The following IFNAR1 variants were observed in gnomAD, a reference collection of about 807,000 sequenced individuals.
IFNAR1 encodes the protein interferon alpha/beta receptor 1.
A neutral mutation model predicts 62.1 loss-of-function variants in IFNAR1; 47 were observed. That is an observed-to-expected ratio of 0.76 (90% CI 0.60 to 0.97). The LOEUF (loss-of-function observed/expected upper bound fraction) is 0.97, where lower values mean the gene tolerates loss of function less well. Ranked by LOEUF, IFNAR1 falls within the 50% of genes least tolerant of loss-of-function variation. The probability of loss-of-function intolerance (pLI) is 0.00; values close to 1 mark genes in which losing one functional copy is unlikely to be tolerated. For missense variants in IFNAR1, 638 were observed against 654.5 expected (o/e 0.97, Z 0.27); for synonymous variants, 219 against 226.9 (o/e 0.97, Z 0.31).
At chr21:33,332,484 T>C (rs2083190473) in intron 1 of IFNAR1, among the ~76,000 whole-genome samples, 1 of 152,086 alleles carries the variant, frequency 6.6e-6, no homozygotes, top group African/African-American at 2.4e-5. Context: ...CAAGGAAATA[T>C]GACACCACCA....
chr21:33,343,185 A>G, intron 3 of IFNAR1, 83 bp from the exon 4 acceptor site: 1 of 1,171,012 alleles, frequency 8.5e-7, no homozygotes, highest in South Asian at 1.4e-5. Flanking sequence ...GGCACATATT[A>G]AGTGCTCAGA....
At chr21:33,340,258 A>T (rs1046690303) in intron 2 of IFNAR1, among the ~76,000 whole-genome samples, 14 of 152,052 alleles carry the variant, frequency 9.2e-5, no homozygotes, top group African/African-American at 3.4e-4. Flanking sequence ...AAACCTTGAA[A>T]CCATACTGAT....
At chr21:33,329,073 TTGGTC>T (rs2083153649) in intron 1 of IFNAR1, among the ~76,000 whole-genome samples, 2 of 152,180 alleles carry the variant, frequency 1.3e-5, no homozygotes, top group South Asian at 4.1e-4. Context: ...CAGTTATTTG[TTGGTC>T]TTCCAAATGC....
intron 1 of IFNAR1, among the ~76,000 whole-genome samples, chr21:33,327,980 A>C (rs191256853): frequency 6.6e-6 from 1 of 152,288 alleles, no homozygotes; most frequent in East Asian, 1.9e-4. Context: ...TGGAGACCAA[A>C]ATTTTATCAT....
rs1341271652 is a variant in IFNAR1, at chr21:33,349,184, T to G, written c.882T>G (p.Pro294=). ...ENVKTTQCVF[P]QNVFQKGIYL... is the part of the protein sequence containing the mutation. ...TCAAAACTACCCAGTGTGTCTTTCC[T>G]CAAAACGTTTTCCAAAAAGGAATTT... The change falls in exon 7 of 11, where the codon CCT becomes CCG. Residue 294 remains proline, a synonymous_variant. Transcript: ENST00000270139. 6.2e-7 allele frequency: 1 copy of G among 1,613,264 alleles called. No individual in the cohort carries two copies. Among genetic ancestry groups the G allele is most frequent in the South Asian group, 1.1e-5 (1 of 90,992 alleles).
intron 1 of IFNAR1, among the ~76,000 whole-genome samples, chr21:33,331,522 G>A (rs1396747769): frequency 1.3e-5 from 2 of 152,140 alleles, no homozygotes; most frequent in East Asian, 3.8e-4. Flanking sequence ...CTTCCCTGGA[G>A]CTGGACTAGT....
At chr21:33,342,812 G>A (rs918864574) in intron 3 of IFNAR1, among the ~76,000 whole-genome samples, 4 of 151,796 alleles carry the variant, frequency 2.6e-5, no homozygotes, top group East Asian at 1.9e-4. Flanking sequence ...AGCCGAGATC[G>A]TGCCACTGCA....
rs184248588 is a variant in IFNAR1 at position 33,343,407 on chromosome 21, C to G, written c.516C>G (p.Asn172Lys). The G allele has an allele frequency of 3.3e-4, 527 of 1,612,318 alleles. 5 individuals carry two copies. Among genetic ancestry groups the G allele is most frequent in the Admixed American group, 1.7e-4 (10 of 59,954 alleles). ...SFTYSLVIWK[N>K]SSGVEERIEN... ...CATATAGCTTAGTTATCTGGAAAAA[C>G]TCTTCAGGTGTAGAAGTAAGCATTA... is the stretch of plus-strand genomic sequence containing the variant. Residue 172 changes from asparagine (N) to lysine (K), a missense_variant, in exon 4 of 11, where the codon AAC (asparagine) becomes AAG (lysine). Coordinates refer to ENST00000270139, the MANE Select transcript of IFNAR1 (RefSeq NM_000629.3).
chr21:33,337,861 T>C (rs1193083319), intron 2 of IFNAR1, among the ~76,000 whole-genome samples: 1 of 152,152 alleles, frequency 6.6e-6, no homozygotes, highest in Non-Finnish European at 1.5e-5. Flanking sequence ...TCTCTAGAGA[T>C]TTTCATTAAA....
chr21:33,343,386 T>C lies in IFNAR1; in HGVS notation c.495T>C (p.Tyr165=), dbSNP rs1601859963. ...CTTTGGATGGTTTAAGCTTTACATATAGCTTAGTTATCTGGAAAAACTCTT... is the reference window on the plus strand; with the variant it reads ...CTTTGGATGGTTTAAGCTTTACATACAGCTTAGTTATCTGGAAAAACTCTT... The part of the protein sequence containing the change: ...MWALDGLSFT[Y]SLVIWKNSSG... The change falls in exon 4 of 11, where the codon TAT becomes TAC. Residue 165 remains tyrosine (Y), a synonymous_variant. Transcript: ENST00000270139. 2 of 1,611,684 alleles carry C rather than the reference T, an allele frequency of 1.2e-6. No homozygotes were observed. Among genetic ancestry groups the C allele is most frequent in the Non-Finnish European group, 1.7e-6 (2 of 1,177,872 alleles).
chr21:33,336,792 C>G (rs906008028), intron 2 of IFNAR1, among the ~76,000 whole-genome samples: 15 of 141,178 alleles, frequency 1.1e-4, no homozygotes, highest in South Asian at 6.8e-4. Flanking sequence ...GCTGTGTTAA[C>G]CAGGCTGGAG....
upstream of IFNAR1, chr21:33,324,747 G>T (rs1403994758): frequency 8.9e-6 from 4 of 450,022 alleles, no homozygotes; most frequent in African/African-American, 7.9e-5. Context: ...GAGTGAGGAA[G>T]AAGAGAATGC....
At chr21:33,326,981 C>T (rs2083132950) in intron 1 of IFNAR1, among the ~76,000 whole-genome samples, 2 of 152,044 alleles carry the variant, frequency 1.3e-5, no homozygotes, top group Admixed American at 1.3e-4. Context: ...CATCCCAGTG[C>T]AGGAGTCCAG....
intron 5 of IFNAR1, among the ~76,000 whole-genome samples, chr21:33,343,972 A>T (rs917450724): frequency 6.6e-6 from 1 of 152,212 alleles, no homozygotes; most frequent in Non-Finnish European, 1.5e-5. Flanking sequence ...CCTCGCCAAC[A>T]TGGGAAAACC....
chr21:33,343,773 A>G (rs1243733787), intron 5 of IFNAR1, 97 bp downstream of exon 5: 2 of 727,630 alleles, frequency 2.7e-6, no homozygotes, highest in African/African-American at 1.8e-5. Flanking sequence ...TGATAGGTCA[A>G]TATATGTTAA....
At chr21:33,354,410 A>G (rs2083429041) in intron 10 of IFNAR1, among the ~76,000 whole-genome samples, 1 of 152,190 alleles carries the variant, frequency 6.6e-6, no homozygotes, top group African/African-American at 2.4e-5. Flanking sequence ...ACGCTGTTTC[A>G]ATTTGTGATG....
At chr21:33,324,787 G>A (rs929458328), upstream of IFNAR1, 7 of 503,524 alleles carry the variant, frequency 1.4e-5, no homozygotes, top group South Asian at 2.8e-5. Context: ...AGGCGCGCGC[G>A]CACAGGGGTG....
Position 33,358,672 on chromosome 21 carries a change from A to C in IFNAR1, c.*3123A>C, listed in dbSNP as rs1375797869. The C allele has an allele frequency of 3.3e-5, 5 of 152,126 alleles. No individual in the cohort carries two copies. The highest frequency in any genetic ancestry group is 7.4e-5 in the Non-Finnish European group (5 of 68,002). The allele number at this position is 152,126 out of a possible 1,614,324, so 9.4% of individuals were successfully genotyped here. A position where few individuals can be genotyped will look rare whatever the true frequency, so the allele number is the denominator to read the frequency against. Reference sequence around the variant, plus strand: ...TGTGAACTTTTAAGAGTCTGACTAGAAATTTGCAACTTATAAAAAAGTTAC... The same window carrying C: ...TGTGAACTTTTAAGAGTCTGACTAGCAATTTGCAACTTATAAAAAAGTTAC... On this transcript the variant is annotated 3_prime_UTR_variant, in exon 11 of 11. Transcript: ENST00000270139.
In IFNAR1 at chr21:33,356,341, C is replaced by T. The variant is rs2083448377; in HGVS notation, c.*792C>T. On this transcript the variant is annotated 3_prime_UTR_variant, in exon 11 of 11. Transcript: ENST00000270139. The stretch of plus-strand genomic sequence containing the variant: ...TTTCTTTTAACACTGAGGGTAGGCC[C>T]TTAGGAAATTTATTTAGGAAAGTCT... 6.6e-6 allele frequency: 1 copy of T among 152,178 alleles called. No individual in the cohort carries two copies. Among genetic ancestry groups the T allele is most frequent in the Admixed American group, 6.6e-5 (1 of 15,266 alleles). The allele number at this position is 152,178 out of a possible 1,614,324, so 9.4% of individuals were successfully genotyped here.
Sources: allele counts gnomAD v4.1 joint callset (sites outside exome capture counted in the v4.1 genomes callset), GRCh38; gene constraint gnomAD v4.1.1; transcripts MANE v1.5; gene names NCBI Gene and HGNC (gene_info 2026-07-23, HGNC 2026-07-21).